Variants in RARB observed in about 807,000 individuals in gnomAD.
RARB encodes HBV-activated protein.
A neutral mutation model predicts 51.9 loss-of-function variants in RARB; 17 were observed. The ratio of observed to expected loss-of-function variants is 0.33; its 90% confidence interval spans 0.22 to 0.49. The LOEUF is 0.49. Ranked by LOEUF, RARB falls within the 20% of genes least tolerant of loss-of-function variation. The probability of loss-of-function intolerance (pLI) is 0.99; values close to 1 mark genes in which losing one functional copy is unlikely to be tolerated. For missense variants in RARB, 369 were observed against 550.8 expected (o/e 0.67, Z 3.30); for synonymous variants, 215 against 195.4 (o/e 1.10, Z -0.84).
chr3:25,400,010 C>T (rs541822111), intron 5 of RARB, among the ~76,000 whole-genome samples: 1 of 152,192 alleles, frequency 6.6e-6, no homozygotes, highest in East Asian at 1.9e-4. Flanking sequence ...TGAGGATTCT[C>T]CTAAAGAGTT....
intron 3 of RARB, among the ~76,000 whole-genome samples, chr3:25,083,803 G>A (rs745635246): frequency 3.9e-5 from 6 of 152,084 alleles, no homozygotes; most frequent in Non-Finnish European, 8.8e-5. Context: ...TTTTGCAACT[G>A]GACTTTCAAC....
intron 5 of RARB, among the ~76,000 whole-genome samples, chr3:25,182,502 C>T (rs1236145209): frequency 1.3e-5 from 2 of 152,012 alleles, no homozygotes; most frequent in African/African-American, 4.8e-5. Context: ...GCCAATGTCC[C>T]CAAGGGGTAT....
At chr3:25,156,362 G>C (rs2125343845) in intron 4 of RARB, among the ~76,000 whole-genome samples, 1 of 151,942 alleles carries the variant, frequency 6.6e-6, no homozygotes, top group African/African-American at 2.4e-5. Context: ...TCTCAACAGA[G>C]GCCAGTTAGC....
intron 3 of RARB, among the ~76,000 whole-genome samples, chr3:25,519,322 A>G (rs1698305498): frequency 6.6e-6 from 1 of 152,058 alleles, no homozygotes; most frequent in Non-Finnish European, 1.5e-5. Context: ...ACACGTGTTT[A>G]ATTTTATTAA....
intron 3 of RARB, among the ~76,000 whole-genome samples, chr3:25,533,909 T>G (rs1341202515): frequency 2.0e-5 from 3 of 152,230 alleles, no homozygotes; most frequent in African/African-American, 7.2e-5. Context: ...CCTGGTTTTC[T>G]CACTTGTGAT....
At chr3:25,385,135 C>T (rs1238143675) in intron 5 of RARB, among the ~76,000 whole-genome samples, 2 of 152,186 alleles carry the variant, frequency 1.3e-5, no homozygotes, top group Non-Finnish European at 2.9e-5. Context: ...TTGCAATGCA[C>T]TCCATATATT....
intron 5 of RARB, among the ~76,000 whole-genome samples, chr3:25,254,195 A>C (rs1402081675): frequency 6.6e-6 from 1 of 152,206 alleles, no homozygotes; most frequent in Non-Finnish European, 1.5e-5. Context: ...GGAGTTTAAT[A>C]TTAAAAATTT....
intron 5 of RARB, among the ~76,000 whole-genome samples, chr3:25,383,197 G>A (rs1706681786): frequency 6.6e-6 from 1 of 152,170 alleles, no homozygotes; most frequent in Non-Finnish European, 1.5e-5. Flanking sequence ...AGAGATTGTA[G>A]GGGTGAAAGG....
intron 1 of RARB, among the ~76,000 whole-genome samples, chr3:24,848,719 G>A (rs894523199): frequency 5.3e-5 from 8 of 152,184 alleles, no homozygotes; most frequent in Non-Finnish European, 1.0e-4. Context: ...TTGCAACGTA[G>A]CAGCATATTC....
At chr3:25,056,192 T>C (rs1698439519) in intron 2 of RARB, among the ~76,000 whole-genome samples, 1 of 151,878 alleles carries the variant, frequency 6.6e-6, no homozygotes, top group African/African-American at 2.4e-5. Context: ...CAGCCTAAAT[T>C]AGGAAAACAA....
chr3:25,320,331 C>G (rs897396197), intron 5 of RARB, among the ~76,000 whole-genome samples: 1 of 152,160 alleles, frequency 6.6e-6, no homozygotes, highest in Non-Finnish European at 1.5e-5. Flanking sequence ...TATCACCACC[C>G]CATAAGATAT....
At chr3:25,045,185 A>G (rs1421905821) in intron 2 of RARB, among the ~76,000 whole-genome samples, 1 of 152,170 alleles carries the variant, frequency 6.6e-6, no homozygotes, top group Non-Finnish European at 1.5e-5. Flanking sequence ...TGCAAAAGCA[A>G]CTTTCCTGGG....
chr3:25,381,245 C>T (rs1706615752), intron 5 of RARB, among the ~76,000 whole-genome samples: 2 of 152,112 alleles, frequency 1.3e-5, no homozygotes. Context: ...AAGGGAGGCT[C>T]CCAAGGAGGA....
chr3:25,082,323 A>G (rs751613370), intron 3 of RARB, among the ~76,000 whole-genome samples: 12 of 152,010 alleles, frequency 7.9e-5, no homozygotes, highest in Non-Finnish European at 1.6e-4. Flanking sequence ...CCATCTGTTC[A>G]TAACTATTCT....
chr3:24,927,960 C>A (rs938486338), intron 2 of RARB, among the ~76,000 whole-genome samples: 1 of 152,034 alleles, frequency 6.6e-6, no homozygotes, highest in Non-Finnish European at 1.5e-5. Flanking sequence ...ATTCCCAAAC[C>A]AAATCCCTAG....
chr3:24,961,653 C>A (rs909027141), intron 2 of RARB, among the ~76,000 whole-genome samples: 8 of 152,130 alleles, frequency 5.3e-5, no homozygotes, highest in African/African-American at 1.9e-4. Flanking sequence ...TTCTGACGGT[C>A]CAGTTATCTC....
intron 5 of RARB, among the ~76,000 whole-genome samples, chr3:25,227,867 A>T (rs1018205645): frequency 1.3e-5 from 2 of 151,948 alleles, no homozygotes; most frequent in African/African-American, 4.8e-5. Context: ...CTAAGTATTC[A>T]CTTGCTTTAG....
chr3:25,016,161 G>C (rs1232584806), intron 2 of RARB, among the ~76,000 whole-genome samples: 1 of 152,178 alleles, frequency 6.6e-6, no homozygotes. Flanking sequence ...ATTTTTGGAA[G>C]TGCTAGTATT....
chr3:24,971,253 T>G (rs1013585812), intron 2 of RARB, among the ~76,000 whole-genome samples: 8 of 152,036 alleles, frequency 5.3e-5, no homozygotes, highest in African/African-American at 1.9e-4. Flanking sequence ...TTATTCTTAT[T>G]CAAAAGATGA....
Sources: gnomAD v4.1 joint callset for allele counts (sites outside exome capture counted in the v4.1 genomes callset) on GRCh38, gnomAD v4.1.1 for gene constraint, MANE v1.5 for transcripts, NCBI Gene and HGNC (gene_info 2026-07-23, HGNC 2026-07-21) for gene names.